The following KIF26B variants were observed in gnomAD, a reference collection of about 807,000 sequenced individuals.
KIF26B encodes kinesin-like protein KIF26B.
KIF26B carries 63 observed loss-of-function variants against 151.2 expected under a neutral mutation model. That is an observed-to-expected ratio of 0.42 (90% confidence interval 0.34 to 0.51). The LOEUF is 0.51. Among genes scored for constraint, KIF26B ranks in the 20% least tolerant of loss-of-function variants. The pLI, the probability that KIF26B is intolerant of heterozygous loss-of-function variation, is 0.07. For synonymous variants in KIF26B, 1,357 were observed against 1,262.1 expected, an observed-to-expected ratio of 1.08 and a Z score of -1.59; for missense variants, 2,813 against 2,913.6, an observed-to-expected ratio of 0.97 and a Z score of 0.79.
chr1:245,199,521 C>CCT (rs1192795425), intron 2 of KIF26B, among the ~76,000 whole-genome samples: 3 of 151,704 alleles, frequency 2.0e-5, no homozygotes, highest in African/African-American at 7.3e-5. Flanking sequence ...CTCTGTTGCC[C>CCT]AGGCTGGAGT....
intron 2 of KIF26B, among the ~76,000 whole-genome samples, chr1:245,349,350 A>G (rs1188151672): frequency 6.6e-6 from 1 of 152,204 alleles, no homozygotes; most frequent in East Asian, 1.9e-4. Context: ...AAATTGTAAT[A>G]AAAGATCCCA....
chr1:245,475,269 T>C (rs796672154), intron 4 of KIF26B, among the ~76,000 whole-genome samples: 8 of 151,954 alleles, frequency 5.3e-5, no homozygotes, highest in African/African-American at 1.9e-4. Flanking sequence ...GCTGCCTCCT[T>C]GCCACTGAAT....
intron 12 of KIF26B, among the ~76,000 whole-genome samples, chr1:245,695,789 C>T (rs1322721349): frequency 6.7e-6 from 1 of 149,394 alleles, no homozygotes; most frequent in Admixed American, 6.7e-5. Flanking sequence ...TGCCCTGGCA[C>T]GGGTATTGGC....
At chr1:245,526,287 A>C (rs1192544851) in intron 4 of KIF26B, among the ~76,000 whole-genome samples, 1 of 152,154 alleles carries the variant, frequency 6.6e-6, no homozygotes, top group Non-Finnish European at 1.5e-5. Flanking sequence ...TAGCATAGAC[A>C]GGAAAGGAGG....
chr1:245,559,515 C>T (rs2042916862), intron 5 of KIF26B, among the ~76,000 whole-genome samples: 1 of 152,104 alleles, frequency 6.6e-6, no homozygotes, highest in African/African-American at 2.4e-5. Flanking sequence ...CGGGTTCAAG[C>T]GATTCTCCTG....
chr1:245,677,166 T>G (rs2044367390), intron 10 of KIF26B, among the ~76,000 whole-genome samples: 1 of 152,120 alleles, frequency 6.6e-6, no homozygotes, highest in African/African-American at 2.4e-5. Flanking sequence ...TAATAGGAGG[T>G]GTGCTGGTTG....
In KIF26B at chr1:245,435,222, G is replaced by C. The variant is rs530281065; in HGVS notation, c.1166+15477G>C. 3.3e-5 allele frequency among the ~76,000 whole-genome samples: 5 copies of C among 152,230 alleles called. No individual in the cohort carries two copies. The South Asian group carries it at 1.0e-3, about 32-fold the overall frequency. On this transcript the variant is annotated intron_variant, in intron 4 of 14. Transcript: ENST00000407071. Reference sequence around the variant, plus strand: ...TTTGGTAAGCTCATGCTGTATGCCAGGTATTGTGTTAGGCACCGAGGAGAG... The same window carrying C: ...TTTGGTAAGCTCATGCTGTATGCCACGTATTGTGTTAGGCACCGAGGAGAG...
intron 4 of KIF26B, among the ~76,000 whole-genome samples, chr1:245,451,201 T>G (rs1659382107): frequency 1.3e-5 from 2 of 152,148 alleles, no homozygotes; most frequent in African/African-American, 4.8e-5. Context: ...TTTTTAAAAT[T>G]TTTATCAATA....
At chr1:245,678,363 G>C (rs2044381894) in intron 10 of KIF26B, among the ~76,000 whole-genome samples, 1 of 152,080 alleles carries the variant, frequency 6.6e-6, no homozygotes, top group Non-Finnish European at 1.5e-5. Context: ...GACGCGTTCT[G>C]GCACGTTGCA....
chr1:245,277,994 A>G (rs1670968744), intron 2 of KIF26B, among the ~76,000 whole-genome samples: 1 of 152,130 alleles, frequency 6.6e-6, no homozygotes, highest in Non-Finnish European at 1.5e-5. Context: ...ATGGCAAAGC[A>G]TGGAGGGAAA....
chr1:245,615,601 A>G (rs1463543408), intron 9 of KIF26B, among the ~76,000 whole-genome samples: 1 of 152,174 alleles, frequency 6.6e-6, no homozygotes, highest in Admixed American at 6.6e-5. Context: ...CCTATTTTTA[A>G]GTTGTGAAAG....
chr1:245,548,073 G>A (rs1034850372), intron 5 of KIF26B, among the ~76,000 whole-genome samples: 5 of 152,124 alleles, frequency 3.3e-5, no homozygotes, highest in African/African-American at 9.7e-5. Flanking sequence ...GGGACCTGAC[G>A]CCTTCCAGGC....
intron 3 of KIF26B, among the ~76,000 whole-genome samples, chr1:245,416,787 AG>A (rs1344056344): frequency 6.6e-6 from 1 of 152,096 alleles, no homozygotes; most frequent in African/African-American, 2.4e-5. Context: ...TGTGAAACTG[AG>A]GGGGAGGTAA....
intron 4 of KIF26B, among the ~76,000 whole-genome samples, chr1:245,478,656 C>T (rs2103067808): frequency 6.6e-6 from 1 of 151,738 alleles, no homozygotes; most frequent in South Asian, 2.1e-4. Flanking sequence ...GACTTGTGGT[C>T]CACCCGTATC....
chr1:245,315,633 A>G (rs1573770464), intron 2 of KIF26B, among the ~76,000 whole-genome samples: 1 of 149,712 alleles, frequency 6.7e-6, no homozygotes, highest in East Asian at 2.0e-4. Flanking sequence ...AAGGCAGGAG[A>G]CTCTCCTGAA....
At chr1:245,308,202 T>C (rs935357694) in intron 2 of KIF26B, among the ~76,000 whole-genome samples, 6 of 152,158 alleles carry the variant, frequency 3.9e-5, no homozygotes, top group African/African-American at 1.4e-4. Flanking sequence ...GAGAAATACT[T>C]GTCATCACGC....
Position 245,572,919 on chromosome 1 carries a change from C to T in KIF26B, c.1351-29658C>T, listed in dbSNP as rs975879722. 6.6e-6 allele frequency among the ~76,000 whole-genome samples: 1 copy of T among 152,144 alleles called. No homozygotes were observed. Among genetic ancestry groups the T allele is most frequent in the African/African-American group, 2.4e-5 (1 of 41,432 alleles). ...GAAATGGAGAAACACGTCCTCACCT[C>T]CTCCTGCCACCTGCTCTGAACAGAT... On this transcript the variant is annotated intron_variant, in intron 5 of 14. Transcript: ENST00000407071. The surrounding 1 kb of genome is among the most constrained non-coding windows in gnomAD (Gnocchi z 4.2).
At chr1:245,700,751 G>GC (rs2044759720) in intron 14 of KIF26B, among the ~76,000 whole-genome samples, 1 of 152,220 alleles carries the variant, frequency 6.6e-6, no homozygotes, top group South Asian at 2.1e-4. Flanking sequence ...AACTAGTCCT[G>GC]CGAGGGCCTT....
Position 245,471,993 on chromosome 1 carries a change from T to G in KIF26B, c.1166+52248T>G, listed in dbSNP as rs1350060384. On this transcript the variant is annotated intron_variant, in intron 4 of 14. Coordinates refer to ENST00000407071, the MANE Select transcript of KIF26B (RefSeq NM_018012.4). ...TTTTAGTAGAGATGGGGTTTCACCA[T>G]GTTGGCCAGGCTGGTCTCAAGCTCC... is the stretch of plus-strand genomic sequence containing the variant. Among the ~76,000 whole-genome samples, 4 of 152,174 alleles carry G rather than the reference T, an allele frequency of 2.6e-5. No individual in the cohort carries two copies. The East Asian group carries it at 5.8e-4, about 22-fold the overall frequency.
Sources: gnomAD v4.1 joint callset for allele counts (sites outside exome capture counted in the v4.1 genomes callset) on GRCh38, gnomAD v4.1.1 for gene constraint, Gnocchi (gnomAD v3.1) non-coding constraint, MANE v1.5 for transcripts, NCBI Gene and HGNC (gene_info 2026-07-23, HGNC 2026-07-21) for gene names.